The following FRMD4A variants were observed in gnomAD, a reference collection of about 807,000 sequenced individuals.
FRMD4A encodes the protein FERM domain-containing protein 4A.
In FRMD4A, 29 loss-of-function variants were observed where a neutral mutation model predicts 129.1. That is an observed-to-expected ratio of 0.22 (90% confidence interval 0.17 to 0.31). The LOEUF (loss-of-function observed/expected upper bound fraction) is 0.31, where lower values mean the gene tolerates loss of function less well. Ranked by LOEUF, FRMD4A falls within the 10% of genes least tolerant of loss-of-function variation. The pLI, the probability that FRMD4A is intolerant of heterozygous loss-of-function variation, is 1.00. For missense variants in FRMD4A, 1,272 were observed against 1,375.8 expected, an observed-to-expected ratio of 0.92 and a Z score of 1.19; for synonymous variants, 634 against 571.6, an observed-to-expected ratio of 1.11 and a Z score of -1.56.
At chr10:13,709,835 T>C (rs2087833846) in intron 12 of FRMD4A, among the ~76,000 whole-genome samples, 1 of 152,192 alleles carries the variant, frequency 6.6e-6, no homozygotes, top group Non-Finnish European at 1.5e-5. Context: ...GGTTTTTTTT[T>C]CTTTCTTTAT....
intron 3 of FRMD4A, among the ~76,000 whole-genome samples, chr10:13,834,813 A>T (rs2093847522): frequency 6.6e-6 from 1 of 152,188 alleles, no homozygotes; most frequent in Non-Finnish European, 1.5e-5. Context: ...CGAGAGACAG[A>T]GGCACATGGC....
intron 2 of FRMD4A, among the ~76,000 whole-genome samples, chr10:14,018,820 G>A (rs1832600735): frequency 2.0e-5 from 3 of 152,122 alleles, no homozygotes; most frequent in African/African-American, 7.2e-5. Context: ...GGGAAGATTT[G>A]GGGAGATGAT....
At chr10:14,088,451 A>AAAAAAAAAG (rs1554754670) in intron 2 of FRMD4A, among the ~76,000 whole-genome samples, 95 of 151,110 alleles carry the variant, frequency 6.3e-4, no homozygotes, top group African/African-American at 2.2e-3. Context: ...CCTAAAAGAA[A>AAAAAAAAAG]AAAAAAAAAA....
At chr10:13,828,895 T>C (rs2093746247) in intron 3 of FRMD4A, among the ~76,000 whole-genome samples, 1 of 152,210 alleles carries the variant, frequency 6.6e-6, no homozygotes, top group Admixed American at 6.5e-5. Context: ...GTCTTTACTA[T>C]TGTGAATAGT....
chr10:13,644,528 TC>T lies in FRMD4A; in HGVS notation c.*2509del, dbSNP rs944945443. 86 of 152,328 alleles carry T rather than the reference TC, an allele frequency of 5.6e-4. 1 individual carries two copies. Among genetic ancestry groups the T allele is most frequent in the African/African-American group, 1.9e-3 (80 of 41,574 alleles). 9.4% of individuals were successfully genotyped at this position (152,328 alleles called of 1,614,324 possible). On this transcript the variant is annotated 3_prime_UTR_variant, in exon 25 of 25. Coordinates refer to ENST00000357447, the MANE Select transcript of FRMD4A (RefSeq NM_018027.5). ...AATTCCTGCTCTCCATTTCTCTCTGTCCCCCAAGTTGAAAATATAACCCAAA... is the reference window on the plus strand; with the variant it reads ...AATTCCTGCTCTCCATTTCTCTCTGTCCCCAAGTTGAAAATATAACCCAAA...
chr10:14,104,623 GC>G (rs1837489938), intron 2 of FRMD4A, among the ~76,000 whole-genome samples: 1 of 152,198 alleles, frequency 6.6e-6, no homozygotes, highest in African/African-American at 2.4e-5. Context: ...GAGTAGAAAG[GC>G]CAGTGAGACA....
intron 2 of FRMD4A, among the ~76,000 whole-genome samples, chr10:13,946,370 C>A (rs527440021): frequency 6.6e-6 from 1 of 152,132 alleles, no homozygotes; most frequent in African/African-American, 2.4e-5. Context: ...ACCAAGTCAG[C>A]GAACGCTAGA....
At chr10:13,949,794 C>T (rs1054351530) in intron 2 of FRMD4A, among the ~76,000 whole-genome samples, 12 of 152,140 alleles carry the variant, frequency 7.9e-5, no homozygotes, top group Admixed American at 6.5e-5. Flanking sequence ...TAAATGCTAC[C>T]GAGTTGATAC....
intron 2 of FRMD4A, among the ~76,000 whole-genome samples, chr10:14,091,157 C>T (rs998242506): frequency 6.6e-6 from 1 of 152,126 alleles, no homozygotes; most frequent in Non-Finnish European, 1.5e-5. Flanking sequence ...AAGAGAACTC[C>T]TAGCTTTCCA....
chr10:14,286,718 T>C (rs1039933791), intron 2 of FRMD4A, among the ~76,000 whole-genome samples: 1 of 152,186 alleles, frequency 6.6e-6, no homozygotes, highest in East Asian at 1.9e-4. Flanking sequence ...TTCCCCAGCA[T>C]GAGGAGTATG....
intron 2 of FRMD4A, among the ~76,000 whole-genome samples, chr10:14,277,224 A>G (rs1589256175): frequency 6.6e-6 from 1 of 152,320 alleles, no homozygotes; most frequent in Admixed American, 6.5e-5. Context: ...CAGTAACAGG[A>G]ACAAAGGTTC....
chr10:13,897,575 G>C (rs1287977960), intron 2 of FRMD4A, among the ~76,000 whole-genome samples: 2 of 152,222 alleles, frequency 1.3e-5, no homozygotes, highest in Admixed American at 1.3e-4. Context: ...CAGGCAACCT[G>C]ATGGGCCAGT....
intron 2 of FRMD4A, among the ~76,000 whole-genome samples, chr10:14,185,394 T>A (rs1293764947): frequency 6.6e-6 from 1 of 152,188 alleles, no homozygotes; most frequent in African/African-American, 2.4e-5. Flanking sequence ...AGAATGTGCA[T>A]GAAAAAATCT....
intron 2 of FRMD4A, among the ~76,000 whole-genome samples, chr10:13,896,644 C>T (rs1003920052): frequency 1.3e-5 from 2 of 151,546 alleles, no homozygotes; most frequent in Admixed American, 1.3e-4. Flanking sequence ...ATGTAACAAA[C>T]CTGCAAGTTC....
At chr10:13,819,074 G>A (rs2093590121) in intron 3 of FRMD4A, among the ~76,000 whole-genome samples, 1 of 152,098 alleles carries the variant, frequency 6.6e-6, no homozygotes, top group South Asian at 2.1e-4. Context: ...GTTGCAGTGA[G>A]CCGAGATCGC....
intron 3 of FRMD4A, among the ~76,000 whole-genome samples, chr10:13,828,433 C>T (rs374671829): frequency 1.8e-4 from 28 of 152,296 alleles, no homozygotes; most frequent in African/African-American, 6.7e-4. Flanking sequence ...TAATGACTTC[C>T]AGTTCCATCC....
intron 2 of FRMD4A, among the ~76,000 whole-genome samples, chr10:14,094,953 G>A (rs933378250): frequency 2.0e-5 from 3 of 152,112 alleles, no homozygotes; most frequent in Non-Finnish European, 2.9e-5. Flanking sequence ...GTGGGTGTGT[G>A]TCAACCAAGA....
chr10:13,702,332 C>T (rs1471147223), intron 13 of FRMD4A, among the ~76,000 whole-genome samples: 1 of 152,020 alleles, frequency 6.6e-6, no homozygotes, highest in African/African-American at 2.4e-5. Flanking sequence ...CCAAAGTGCT[C>T]GGATTACAGG....
At chr10:13,853,256 G>A (rs1397606563) in intron 3 of FRMD4A, among the ~76,000 whole-genome samples, 2 of 152,180 alleles carry the variant, frequency 1.3e-5, no homozygotes, top group African/African-American at 4.8e-5. Flanking sequence ...AAGAAGGGCC[G>A]GGCGTGTTGG....
Sources: gnomAD v4.1 joint callset for allele counts (sites outside exome capture counted in the v4.1 genomes callset) on GRCh38, gnomAD v4.1.1 for gene constraint, MANE v1.5 for transcripts, NCBI Gene and HGNC (gene_info 2026-07-23, HGNC 2026-07-21) for gene names.